MYRIP: variants seen among roughly 807,000 people sequenced by gnomAD.
The protein encoded by MYRIP is rab effector MyRIP.
Under a neutral mutation model 98.0 loss-of-function variants are expected in MYRIP, and 49 were observed. That is an observed-to-expected ratio of 0.50 (90% confidence interval 0.40 to 0.63). The LOEUF (loss-of-function observed/expected upper bound fraction) is 0.63, where lower values mean the gene tolerates loss of function less well. Ranked by LOEUF, MYRIP falls within the 30% of genes least tolerant of loss-of-function variation. The pLI, the probability that MYRIP is intolerant of heterozygous loss-of-function variation, is 0.00. For missense variants in MYRIP, 1,004 were observed against 1,058.2 expected (o/e 0.95, Z 0.71); for synonymous variants, 404 against 409.5 (o/e 0.99, Z 0.16).
At chr3:40,180,988 G>T (rs1575602070) in intron 8 of MYRIP, among the ~76,000 whole-genome samples, 2 of 152,300 alleles carry the variant, frequency 1.3e-5, no homozygotes, top group Middle Eastern at 6.8e-3. Context: ...GAGTCCTTAG[G>T]AGGCAAGGCC....
At chr3:39,924,978 T>G (rs1227930885) in intron 2 of MYRIP, among the ~76,000 whole-genome samples, 1 of 151,804 alleles carries the variant, frequency 6.6e-6, no homozygotes, top group African/African-American at 2.4e-5. Flanking sequence ...GAAGAAAATT[T>G]ATAGTACTAA....
At chr3:40,011,959 T>C (rs568365928) in intron 2 of MYRIP, among the ~76,000 whole-genome samples, 21 of 152,366 alleles carry the variant, frequency 1.4e-4, no homozygotes, top group African/African-American at 4.6e-4. Flanking sequence ...TAAATTTACT[T>C]ATACATCATA....
intron 3 of MYRIP, among the ~76,000 whole-genome samples, chr3:40,120,209 C>T (rs1348139146): frequency 6.6e-6 from 1 of 152,132 alleles, no homozygotes; most frequent in Non-Finnish European, 1.5e-5. Context: ...AGCAAAATCC[C>T]TACCTTTAAT....
chr3:39,977,377 A>G (rs1440329957), intron 2 of MYRIP, among the ~76,000 whole-genome samples: 2 of 152,174 alleles, frequency 1.3e-5, no homozygotes, highest in Non-Finnish European at 2.9e-5. Context: ...CCAGAAACTG[A>G]CAAGAAATTC....
intron 3 of MYRIP, among the ~76,000 whole-genome samples, chr3:40,053,244 G>A (rs142604676): frequency 1.3e-4 from 20 of 152,214 alleles, no homozygotes; most frequent in African/African-American, 3.6e-4. Flanking sequence ...GGATAATGGA[G>A]CCACTGAAGG....
In MYRIP at chr3:40,189,888, C is replaced by A. The variant is rs1055224192; in HGVS notation, c.1090C>A (p.Pro364Thr). 6.2e-7 allele frequency: 1 copy of A among 1,614,030 alleles called. No individual in the cohort carries two copies. The highest frequency in any genetic ancestry group is 8.5e-7 in the Non-Finnish European group (1 of 1,180,000). Reference sequence around the variant, plus strand: ...GGTGGCCCTGAAGGATGGCGCTCCACCCCCCACCCGACTACTGGCCAAACC... The same window carrying A: ...GGTGGCCCTGAAGGATGGCGCTCCAACCCCCACCCGACTACTGGCCAAACC... ...NWVALKDGAP[P>T]PTRLLAKPKS... The change falls in exon 10 of 17, where the codon CCC (proline) becomes ACC (threonine). Residue 364 changes from proline (P) to threonine (T), a missense_variant. Transcript: ENST00000302541.
At chr3:40,031,367 T>C (rs1947257199) in intron 2 of MYRIP, among the ~76,000 whole-genome samples, 1 of 152,044 alleles carries the variant, frequency 6.6e-6, no homozygotes, top group South Asian at 2.1e-4. Flanking sequence ...CACAGCAGGG[T>C]AAAAGTGAAA....
intron 10 of MYRIP, among the ~76,000 whole-genome samples, chr3:40,201,909 G>A (rs547032701): frequency 5.9e-5 from 9 of 152,234 alleles, no homozygotes; most frequent in Non-Finnish European, 1.0e-4. Flanking sequence ...GGACAGAAAC[G>A]TTCCAAGTCC....
At chr3:39,935,446 T>C (rs1184354336) in intron 2 of MYRIP, among the ~76,000 whole-genome samples, 1 of 152,088 alleles carries the variant, frequency 6.6e-6, no homozygotes, top group East Asian at 1.9e-4. Context: ...AGGAACCCTA[T>C]AGCTTCGAGG....
intron 2 of MYRIP, among the ~76,000 whole-genome samples, chr3:40,027,975 G>A (rs572945709): frequency 3.9e-5 from 6 of 152,170 alleles, no homozygotes; most frequent in South Asian, 4.2e-4. Flanking sequence ...GGCAGGAAGC[G>A]GGAAAAAGAG....
At chr3:40,129,575 G>A (rs1949597958) in intron 3 of MYRIP, among the ~76,000 whole-genome samples, 1 of 151,506 alleles carries the variant, frequency 6.6e-6, no homozygotes, top group Admixed American at 6.6e-5. Flanking sequence ...GAGTGTGGAG[G>A]TCTGAGATTA....
intron 2 of MYRIP, among the ~76,000 whole-genome samples, chr3:39,925,959 G>A (rs1044587070): frequency 2.6e-5 from 4 of 152,088 alleles, no homozygotes; most frequent in Admixed American, 6.6e-5. Context: ...CAGTGTGTAA[G>A]TGTTATCTTT....
Position 40,258,186 on chromosome 3 carries a change from C to CAGT in MYRIP, c.*21_*23dup. On this transcript the variant is annotated 3_prime_UTR_variant, in exon 17 of 17. Coordinates refer to ENST00000302541, the MANE Select transcript of MYRIP (RefSeq NM_015460.4). ...TACTGACACCATGGAATTCCACTGCCAGTGACCCACTGCCTCCGGCCGTAC... is the reference window on the plus strand; with the variant it reads ...TACTGACACCATGGAATTCCACTGCCAGTAGTGACCCACTGCCTCCGGCCGTAC... 1 of 1,614,162 alleles carries CAGT rather than the reference C, an allele frequency of 6.2e-7. No individual in the cohort carries two copies. The highest frequency in any genetic ancestry group is 1.1e-5 in the South Asian group (1 of 91,088).
intron 3 of MYRIP, among the ~76,000 whole-genome samples, chr3:40,106,085 G>T (rs1416391768): frequency 6.6e-6 from 1 of 152,014 alleles, no homozygotes; most frequent in East Asian, 1.9e-4. Flanking sequence ...CAGGAGATTT[G>T]GGTGGGGACA....
intron 3 of MYRIP, among the ~76,000 whole-genome samples, chr3:40,146,058 A>G (rs951977910): frequency 6.6e-6 from 1 of 152,064 alleles, no homozygotes; most frequent in African/African-American, 2.4e-5. Flanking sequence ...GGAAATAGAT[A>G]AACAAATTAA....
At chr3:40,178,464 A>C (rs1276763803) in intron 8 of MYRIP, among the ~76,000 whole-genome samples, 1 of 152,036 alleles carries the variant, frequency 6.6e-6, no homozygotes, top group Non-Finnish European at 1.5e-5. Context: ...ACACCAAGAG[A>C]GCATGGAGGA....
intron 2 of MYRIP, among the ~76,000 whole-genome samples, chr3:39,944,420 G>A (rs1448008460): frequency 6.6e-6 from 1 of 152,030 alleles, no homozygotes; most frequent in Non-Finnish European, 1.5e-5. Flanking sequence ...TCAAAGATAT[G>A]GTAAGTGAAA....
chr3:39,950,769 GC>G (rs1282763101), intron 2 of MYRIP, among the ~76,000 whole-genome samples: 1 of 152,112 alleles, frequency 6.6e-6, no homozygotes, highest in African/African-American at 2.4e-5. Flanking sequence ...AGAGCTGGTG[GC>G]CACATTTAAT....
At chr3:40,061,993 T>C (rs1948027202) in intron 3 of MYRIP, among the ~76,000 whole-genome samples, 1 of 152,232 alleles carries the variant, frequency 6.6e-6, no homozygotes, top group Admixed American at 6.5e-5. Context: ...AGATGCTGGA[T>C]ATTAGACTTT....
Sources: gnomAD v4.1 joint callset for allele counts (sites outside exome capture counted in the v4.1 genomes callset) on GRCh38, gnomAD v4.1.1 for gene constraint, MANE v1.5 for transcripts, NCBI Gene and HGNC (gene_info 2026-07-23, HGNC 2026-07-21) for gene names.